Variants in WNK1 observed in about 807,000 individuals in gnomAD.
WNK1 encodes WNK lysine deficient protein kinase 1, also known as serine/threonine-protein kinase WNK1.
Under a neutral mutation model 222.8 loss-of-function variants are expected in WNK1, and 38 were observed. The observed-to-expected ratio is 0.17, with a 90% CI of 0.13 to 0.22. WNK1 has a LOEUF of 0.22. Ranked by LOEUF, WNK1 falls within the 10% of genes least tolerant of loss-of-function variation. The pLI is 1.00. For synonymous variants in WNK1, 1,090 were observed against 1,092.9 expected (o/e 1.00, Z 0.05); for missense variants, 2,348 against 2,918.4 (o/e 0.80, Z 4.50).
intron 4 of WNK1, among the ~76,000 whole-genome samples, chr12:856,605 A>G (rs931391296): frequency 2.6e-5 from 4 of 152,180 alleles, no homozygotes; most frequent in East Asian, 1.9e-4. Flanking sequence ...TATGGGTCCA[A>G]TATATTACTT....
chr12:782,967 G>A (rs1051938679), intron 1 of WNK1, among the ~76,000 whole-genome samples: 4 of 151,540 alleles, frequency 2.6e-5, no homozygotes, highest in East Asian at 1.9e-4. Context: ...AGTGGTGCAC[G>A]ATTATGGCTC....
chr12:850,638 C>G (rs562286468), intron 4 of WNK1, among the ~76,000 whole-genome samples: 16 of 152,316 alleles, frequency 1.1e-4, no homozygotes, highest in Non-Finnish European at 1.6e-4. Flanking sequence ...ACATGAAGTC[C>G]TTACCCATGC....
intron 24 of WNK1, among the ~76,000 whole-genome samples, chr12:897,078 A>G (rs1234553976): frequency 6.6e-6 from 1 of 152,086 alleles, no homozygotes; most frequent in Non-Finnish European, 1.5e-5. Flanking sequence ...TATTATTTTT[A>G]TTAATAGCAT....
At chr12:903,487 A>G (rs1289711933) in intron 26 of WNK1, among the ~76,000 whole-genome samples, 1 of 152,196 alleles carries the variant, frequency 6.6e-6, no homozygotes, top group African/African-American at 2.4e-5. Context: ...CCTATGGTCT[A>G]CAGCCTGAAG....
At chr12:863,355 T>C (rs768055695) in intron 8 of WNK1, among the ~76,000 whole-genome samples, 8 of 152,098 alleles carry the variant, frequency 5.3e-5, no homozygotes, top group Non-Finnish European at 7.4e-5. Flanking sequence ...GTAACACAAA[T>C]AAAAAACTAA....
At chr12:862,607 A>G (rs1046709219) in intron 8 of WNK1, among the ~76,000 whole-genome samples, 1 of 152,240 alleles carries the variant, frequency 6.6e-6, no homozygotes, top group East Asian at 1.9e-4. Context: ...GAGTTTTTCA[A>G]AAGCTTGTTA....
Position 753,467 on chromosome 12 carries a change from G to A in WNK1, c.-99G>A. On this transcript the variant is annotated 5_prime_UTR_variant, in exon 1 of 28. Transcript: ENST00000315939. This position sits in a 1 kb window ranked among gnomAD's most constrained non-coding sequence, Gnocchi z 5.2. ...GTCCGGGTCGGCGCGAACCCGCCCG[G>A]CCGCGGTTCCCTGCAGACCTCTGCG... 1 of 1,534,960 alleles carries A rather than the reference G, an allele frequency of 6.5e-7. No homozygotes were observed. The highest frequency in any genetic ancestry group is 8.8e-7 in the Non-Finnish European group (1 of 1,131,176).
intron 25 of WNK1, among the ~76,000 whole-genome samples, chr12:898,061 T>C (rs1000131841): frequency 6.6e-6 from 1 of 152,256 alleles, no homozygotes; most frequent in African/African-American, 2.4e-5. Flanking sequence ...GTAGATTCTT[T>C]GTTTTAATGG....
chr12:868,133 G>T, intron 8 of WNK1: 1 of 1,613,978 alleles, frequency 6.2e-7, no homozygotes, highest in Middle Eastern at 1.6e-4. Context: ...AGTTATGTTG[G>T]GTACTACAGC....
chr12:795,449 T>C (rs1009735418), intron 1 of WNK1, among the ~76,000 whole-genome samples: 1 of 151,914 alleles, frequency 6.6e-6, no homozygotes, highest in Non-Finnish European at 1.5e-5. Flanking sequence ...CTCCATACTG[T>C]TCTCATGATA....
At chr12:851,756 T>A (rs749027849) in intron 4 of WNK1, 11 of 1,347,022 alleles carry the variant, frequency 8.2e-6, no homozygotes, top group Non-Finnish European at 1.1e-5. Context: ...TTGCTGCTGC[T>A]GCCCTCAAAA....
In WNK1 at chr12:884,380, A is replaced by T. The variant is rs909867847; in HGVS notation, c.3844+137A>T. On this transcript the variant is annotated intron_variant, in intron 18 of 27. Transcript: ENST00000315939. The surrounding 1 kb of genome is among the most constrained non-coding windows in gnomAD (Gnocchi z 5.6). ...AGAAAACTGAAGTTATAACCAACAG[A>T]TAAACATATGGGAGAGGGAAATAGA... 1 of 1,359,830 alleles carries T rather than the reference A, an allele frequency of 7.4e-7. No homozygotes were observed. The highest frequency in any genetic ancestry group is 2.3e-5 in the East Asian group (1 of 43,136). 84.2% of individuals were successfully genotyped at this position (1,359,830 alleles called of 1,614,324 possible).
intron 14 of WNK1, among the ~76,000 whole-genome samples, 166 bp from the exon 15 acceptor site, chr12:882,777 T>C (rs543045159): frequency 6.6e-6 from 1 of 152,358 alleles, no homozygotes; most frequent in East Asian, 1.9e-4. Flanking sequence ...CTCAAAGATT[T>C]TTCTTGCTAC....
rs1941592319 is a variant in WNK1, at chr12:765,581, T to C, written c.759+11257T>C. ...ATTTTTTTTTAATCATTGCAGAAAA[T>C]TCTTTTGGAATGTGCTATATCCAGA... On this transcript the variant is annotated intron_variant, in intron 1 of 27. Coordinates refer to ENST00000315939, the MANE Select transcript of WNK1 (RefSeq NM_018979.4). Among the ~76,000 whole-genome samples the C allele has an allele frequency of 2.0e-5, 3 of 151,354 alleles. 1 individual carries two copies. The highest frequency in any genetic ancestry group is 4.4e-5 in the Non-Finnish European group (3 of 67,800).
intron 6 of WNK1, 66 bp from the exon 7 acceptor site, chr12:860,939 TGGCGGGGG>T: frequency 1.7e-6 from 2 of 1,152,374 alleles, no homozygotes; most frequent in Admixed American, 2.6e-5. Context: ...TTTTTTTTTT[TGGCGGGGG>T]GTGGTGGTGG....
chr12:814,083 G>T (rs1471006597), intron 2 of WNK1, among the ~76,000 whole-genome samples: 1 of 151,420 alleles, frequency 6.6e-6, no homozygotes, highest in African/African-American at 2.5e-5. Context: ...GGAGGCCGGG[G>T]CAGGCGGATC....
chr12:879,512 G>GC, intron 10 of WNK1, 61 bp from the exon 11 acceptor site: 4 of 735,662 alleles, frequency 5.4e-6, no homozygotes, highest in South Asian at 2.5e-5. Flanking sequence ...TGGCAGCCTT[G>GC]CTTTTTTTTT....
chr12:900,229 G>A (rs1955140262), intron 25 of WNK1, among the ~76,000 whole-genome samples: 1 of 151,806 alleles, frequency 6.6e-6, no homozygotes, highest in Admixed American at 6.6e-5. Flanking sequence ...CAGGTGATCC[G>A]CCCACCTTGG....
chr12:827,024 A>G lies in WNK1; in HGVS notation c.933-18A>G. On this transcript the variant is annotated intron_variant, in intron 2 of 27. Transcript: ENST00000315939. The surrounding 1 kb of genome is among the most constrained non-coding windows in gnomAD (Gnocchi z 4.6). ...TCCTATCATTGATAACTTGTTTGGT[A>G]TACTTTGCTTTTTCTAGGTATCTGA... The G allele has an allele frequency of 1.9e-6, 3 of 1,602,836 alleles. No individual in the cohort carries two copies. Among genetic ancestry groups the G allele is most frequent in the Non-Finnish European group, 1.7e-6 (2 of 1,171,284 alleles).
Sources: gnomAD v4.1 joint callset for allele counts (sites outside exome capture counted in the v4.1 genomes callset) on GRCh38, gnomAD v4.1.1 for gene constraint, Gnocchi (gnomAD v3.1) non-coding constraint, MANE v1.5 for transcripts, NCBI Gene and HGNC (gene_info 2026-07-23, HGNC 2026-07-21) for gene names.